The following PRRX2 variants were observed in gnomAD, a reference collection of about 807,000 sequenced individuals.
PRRX2 encodes paired related homeobox 2, also known as paired mesoderm homeobox protein 2.
A neutral mutation model predicts 18.0 loss-of-function variants in PRRX2; 11 were observed. The ratio of observed to expected loss-of-function variants is 0.61; its 90% CI spans 0.39 to 1.01. PRRX2 has a LOEUF of 1.01. Ranked by LOEUF, PRRX2 falls within the 50% of genes least tolerant of loss-of-function variation. The probability of loss-of-function intolerance (pLI) is 0.01; values close to 1 mark genes in which losing one functional copy is unlikely to be tolerated. For missense variants in PRRX2, 387 were observed against 351.0 expected (o/e 1.10, Z -0.82); for synonymous variants, 177 against 154.8 (o/e 1.14, Z -1.06).
At chr9:129,697,555 C>T (rs1388069460) in intron 1 of PRRX2, among the ~76,000 whole-genome samples, 1 of 151,384 alleles carries the variant, frequency 6.6e-6, no homozygotes, top group Non-Finnish European at 1.5e-5. Flanking sequence ...CTGGCTGGCG[C>T]GCACATGGCC....
intron 1 of PRRX2, among the ~76,000 whole-genome samples, chr9:129,669,702 G>T (rs1231089589): frequency 1.3e-5 from 2 of 152,176 alleles, no homozygotes; most frequent in African/African-American, 4.8e-5. Flanking sequence ...GAGCCCTCGA[G>T]GGGCTGTCGG....
chr9:129,693,378 G>T (rs1832384168), intron 1 of PRRX2, among the ~76,000 whole-genome samples: 1 of 152,202 alleles, frequency 6.6e-6, no homozygotes, highest in African/African-American at 2.4e-5. Flanking sequence ...CGGATCACCT[G>T]AGGTCAGGAG....
At chr9:129,702,938 G>A (rs1284936170) in intron 1 of PRRX2, among the ~76,000 whole-genome samples, 1 of 152,240 alleles carries the variant, frequency 6.6e-6, no homozygotes, top group African/African-American at 2.4e-5. Flanking sequence ...CTAGCAAGGG[G>A]GTCGTTGAGG....
intron 1 of PRRX2, among the ~76,000 whole-genome samples, chr9:129,698,778 G>A (rs367603187): frequency 6.6e-6 from 1 of 152,164 alleles, no homozygotes; most frequent in East Asian, 1.9e-4. Context: ...GCGGTCACAG[G>A]CTCAAAGTCA....
At chr9:129,719,143 C>G (rs1215555203) in intron 1 of PRRX2, 88 bp from the exon 2 acceptor site, 30 of 1,319,592 alleles carry the variant, frequency 2.3e-5, no homozygotes, top group Non-Finnish European at 2.0e-5. Context: ...CACTAAAGCA[C>G]TCAGAGCAAA....
At chr9:129,684,650 G>A (rs1588165119) in intron 1 of PRRX2, among the ~76,000 whole-genome samples, 1 of 152,092 alleles carries the variant, frequency 6.6e-6, no homozygotes, top group Non-Finnish European at 1.5e-5. Context: ...ATTGGCCGAG[G>A]CCTGGGCTGT....
rs1484047541 is a variant in PRRX2 at position 129,715,523 on chromosome 9, C to A, written c.260-3708C>A. On this transcript the variant is annotated intron_variant, in intron 1 of 3. Transcript: ENST00000372469. The surrounding 1 kb of genome is among the most constrained non-coding windows in gnomAD (Gnocchi z 4.0). ...GGGGAATTGCTTGAGCCCAGGAGGT[C>A]GAGGCTGCAGTGTGTTACGATTGCG... Among the ~76,000 whole-genome samples, 1 of 152,006 alleles carries A rather than the reference C, an allele frequency of 6.6e-6. No individual in the cohort carries two copies. Among genetic ancestry groups the A allele is most frequent in the Non-Finnish European group, 1.5e-5 (1 of 68,010 alleles).
intron 1 of PRRX2, among the ~76,000 whole-genome samples, chr9:129,716,201 A>G (rs1832705021): frequency 6.6e-6 from 1 of 152,176 alleles, no homozygotes; most frequent in African/African-American, 2.4e-5. Context: ...TCCTAAATAT[A>G]CACTGGCAAA....
intron 1 of PRRX2, among the ~76,000 whole-genome samples, chr9:129,672,918 A>G (rs1832117987): frequency 8.5e-6 from 1 of 117,106 alleles, no homozygotes; most frequent in Admixed American, 8.9e-5. Flanking sequence ...TCATTCATTC[A>G]TTCATTCTAC....
At chr9:129,719,858 G>T (rs558542028) in intron 2 of PRRX2, among the ~76,000 whole-genome samples, 4 of 152,078 alleles carry the variant, frequency 2.6e-5, no homozygotes, top group Admixed American at 6.5e-5. Context: ...GTGCTGGCGC[G>T]CGCCTGTAAT....
intron 1 of PRRX2, among the ~76,000 whole-genome samples, chr9:129,684,406 G>C (rs940462660): frequency 1.3e-4 from 17 of 135,112 alleles, no homozygotes; most frequent in South Asian, 9.7e-4. Flanking sequence ...CACACACACA[G>C]AGAGAGACAC....
chr9:129,677,142 G>T (rs1485168139), intron 1 of PRRX2, among the ~76,000 whole-genome samples: 1 of 152,198 alleles, frequency 6.6e-6, no homozygotes, highest in Admixed American at 6.5e-5. Context: ...CAGTGAACAG[G>T]CCAGCCCTGG....
intron 1 of PRRX2, among the ~76,000 whole-genome samples, chr9:129,717,119 TCACTGCAAC>T: frequency 6.6e-6 from 1 of 152,152 alleles, no homozygotes. Context: ...TAATCTTGGC[TCACTGCAAC>T]CTCAGCCTCC....
intron 1 of PRRX2, among the ~76,000 whole-genome samples, chr9:129,685,196 G>C (rs1291292518): frequency 6.6e-6 from 1 of 152,210 alleles, no homozygotes; most frequent in East Asian, 1.9e-4. Flanking sequence ...AGGGAGCAGG[G>C]CAAGTTGGGG....
intron 1 of PRRX2, among the ~76,000 whole-genome samples, chr9:129,676,279 C>T (rs1832161748): frequency 6.6e-6 from 1 of 152,212 alleles, no homozygotes; most frequent in Non-Finnish European, 1.5e-5. Flanking sequence ...AGATCTTGAG[C>T]TCCAGCCCCA....
At chr9:129,718,599 C>T (rs1439796705) in intron 1 of PRRX2, 1 of 152,192 alleles carries the variant, frequency 6.6e-6, no homozygotes, top group Non-Finnish European at 1.5e-5. Context: ...GATCCTTCCA[C>T]CAACAATGAC....
chr9:129,714,481 G>T (rs1832677997), intron 1 of PRRX2, among the ~76,000 whole-genome samples: 1 of 152,060 alleles, frequency 6.6e-6, no homozygotes, highest in Non-Finnish European at 1.5e-5. Flanking sequence ...ACGGTGGGTG[G>T]CCACACGTGG....
At chr9:129,693,820 G>T (rs1283199940) in intron 1 of PRRX2, among the ~76,000 whole-genome samples, 2 of 152,318 alleles carry the variant, frequency 1.3e-5, no homozygotes, top group East Asian at 3.9e-4. Flanking sequence ...TTAAAAGGCA[G>T]AATTGAACAT....
intron 1 of PRRX2, among the ~76,000 whole-genome samples, chr9:129,681,912 G>A (rs1273264280): frequency 6.6e-6 from 1 of 152,118 alleles, no homozygotes; most frequent in Admixed American, 6.5e-5. Context: ...ACGGGCACAT[G>A]TTTGCTGCTT....
Sources: allele counts gnomAD v4.1 joint callset (sites outside exome capture counted in the v4.1 genomes callset), GRCh38; gene constraint gnomAD v4.1.1; non-coding constraint Gnocchi (gnomAD v3.1); transcripts MANE v1.5; gene names NCBI Gene and HGNC (gene_info 2026-07-23, HGNC 2026-07-21).